The following KIAA1217 variants were observed in gnomAD, a reference collection of about 807,000 sequenced individuals.
KIAA1217 encodes KIAA1217, also known as sickle tail protein homolog.
Under a neutral mutation model 163.9 loss-of-function variants are expected in KIAA1217, and 88 were observed. The observed-to-expected ratio is 0.54, with a 90% CI of 0.45 to 0.64. The LOEUF is 0.64. KIAA1217 is among the 30% of genes least tolerant of loss of function. The pLI, the probability that KIAA1217 is intolerant of heterozygous loss-of-function variation, is 0.00. For missense variants in KIAA1217, 2,372 were observed against 2,475.0 expected (o/e 0.96, Z 0.88); for synonymous variants, 903 against 923.1 (o/e 0.98, Z 0.39).
At chr10:24,282,610 A>C (rs927040620) in intron 2 of KIAA1217, among the ~76,000 whole-genome samples, 12 of 152,102 alleles carry the variant, frequency 7.9e-5, no homozygotes, top group African/African-American at 2.7e-4. Context: ...GAGCCCTTTC[A>C]GTTGACCCCT....
intron 12 of KIAA1217, among the ~76,000 whole-genome samples, chr10:24,522,576 A>G: frequency 6.6e-6 from 1 of 152,254 alleles, no homozygotes; most frequent in East Asian, 1.9e-4. Flanking sequence ...CCAAAGGTAA[A>G]CCTGCTCACC....
At chr10:23,791,941 T>C (rs1427763411) in intron 1 of KIAA1217, among the ~76,000 whole-genome samples, 1 of 152,206 alleles carries the variant, frequency 6.6e-6, no homozygotes, top group Non-Finnish European at 1.5e-5. Flanking sequence ...TCCAATTTTA[T>C]ATTTAGGAAA....
intron 2 of KIAA1217, among the ~76,000 whole-genome samples, chr10:24,325,832 T>G (rs1304770879): frequency 2.0e-5 from 3 of 152,186 alleles, no homozygotes; most frequent in African/African-American, 7.2e-5. Flanking sequence ...TAATTTGCCA[T>G]TTTCTCTCCT....
chr10:23,805,998 A>G (rs1836721320), intron 1 of KIAA1217, among the ~76,000 whole-genome samples: 1 of 91,494 alleles, frequency 1.1e-5, no homozygotes, highest in African/African-American at 4.2e-5. Context: ...CTCCATCTCA[A>G]AAAAAAAAAA....
intron 2 of KIAA1217, among the ~76,000 whole-genome samples, chr10:24,120,720 T>G (rs2063250209): frequency 6.6e-6 from 1 of 152,210 alleles, no homozygotes; most frequent in African/African-American, 2.4e-5. Context: ...TTTCCCCCAA[T>G]GGAAATTGTA....
chr10:24,480,486 T>C (rs1183897666), intron 6 of KIAA1217, among the ~76,000 whole-genome samples: 8 of 152,224 alleles, frequency 5.3e-5, no homozygotes, highest in Admixed American at 3.9e-4. Flanking sequence ...TTCTAACACT[T>C]GCCAGCAGAT....
chr10:23,754,418 T>G (rs1204815651), intron 1 of KIAA1217, among the ~76,000 whole-genome samples: 1 of 152,204 alleles, frequency 6.6e-6, no homozygotes, highest in Non-Finnish European at 1.5e-5. Flanking sequence ...ACTGAAGCTT[T>G]GCTAGAACTC....
intron 1 of KIAA1217, among the ~76,000 whole-genome samples, chr10:23,724,714 A>G (rs1838042103): frequency 6.6e-6 from 1 of 152,240 alleles, no homozygotes; most frequent in Non-Finnish European, 1.5e-5. Flanking sequence ...AAAGTCCACT[A>G]CAATCTCTTT....
chr10:23,914,270 G>A (rs1024237629), intron 1 of KIAA1217, among the ~76,000 whole-genome samples: 1 of 152,054 alleles, frequency 6.6e-6, no homozygotes, highest in Non-Finnish European at 1.5e-5. Context: ...CCACATCTGA[G>A]GTCAGTCACC....
Position 23,969,574 on chromosome 10 carries a change from T to C in KIAA1217, c.-320-37651T>C, listed in dbSNP as rs115648757. Among the ~76,000 whole-genome samples the C allele has an allele frequency of 4.1e-3, 626 of 152,378 alleles. 5 individuals are homozygous for C. The highest frequency in any genetic ancestry group is 0.014 in the African/African-American group (582 of 41,596). On this transcript the variant is annotated intron_variant, in intron 1 of 18. Transcript: ENST00000376462. ...TTCATGTGCTTATCGGCTATTTTTA[T>C]ATTTTCTTTGGAGAAACGTCTATTC...
intron 2 of KIAA1217, among the ~76,000 whole-genome samples, chr10:24,148,819 A>G (rs1298180495): frequency 6.6e-6 from 1 of 152,190 alleles, no homozygotes; most frequent in Non-Finnish European, 1.5e-5. Context: ...AACACACATC[A>G]TGAATTGTTT....
At chr10:24,411,941 C>T (rs190073955) in intron 3 of KIAA1217, among the ~76,000 whole-genome samples, 2 of 152,090 alleles carry the variant, frequency 1.3e-5, no homozygotes, top group Admixed American at 6.5e-5. Flanking sequence ...AGCATACCAC[C>T]GAGGTCACAG....
chr10:24,150,531 C>T (rs2064559549), intron 2 of KIAA1217, among the ~76,000 whole-genome samples: 1 of 152,194 alleles, frequency 6.6e-6, no homozygotes, highest in Non-Finnish European at 1.5e-5. Flanking sequence ...GATTTCCAAG[C>T]CTACCATTCC....
intron 1 of KIAA1217, among the ~76,000 whole-genome samples, chr10:23,867,338 T>G (rs933515677): frequency 1.3e-5 from 2 of 151,718 alleles, no homozygotes; most frequent in Non-Finnish European, 3.0e-5. Flanking sequence ...TATAGCAGCA[T>G]GATTTATAGT....
At chr10:24,253,378 A>C (rs1253821873) in intron 2 of KIAA1217, among the ~76,000 whole-genome samples, 2 of 152,166 alleles carry the variant, frequency 1.3e-5, no homozygotes, top group Admixed American at 1.3e-4. Flanking sequence ...CCAGGGTGCT[A>C]CGTAGCTCAC....
At chr10:24,467,264 G>A (rs527406740) in intron 5 of KIAA1217, among the ~76,000 whole-genome samples, 3 of 152,308 alleles carry the variant, frequency 2.0e-5, no homozygotes, top group Admixed American at 2.0e-4. Context: ...ATTTTGATCC[G>A]TGTGCAGTCT....
chr10:24,216,979 C>T (rs2068909613), intron 1 of KIAA1217, among the ~76,000 whole-genome samples: 1 of 131,474 alleles, frequency 7.6e-6, no homozygotes, highest in Non-Finnish European at 1.5e-5. Context: ...CTGCAGTGAG[C>T]CATGATCATG....
chr10:24,147,578 C>T (rs1278955279), intron 2 of KIAA1217, among the ~76,000 whole-genome samples: 2 of 151,980 alleles, frequency 1.3e-5, no homozygotes, highest in Admixed American at 6.5e-5. Context: ...CACGGTGGCT[C>T]ATGCCTGTAA....
intron 2 of KIAA1217, among the ~76,000 whole-genome samples, chr10:24,369,969 A>C (rs1323342825): frequency 6.6e-6 from 1 of 152,242 alleles, no homozygotes; most frequent in Non-Finnish European, 1.5e-5. Flanking sequence ...ACTTGCAATA[A>C]AAAGACATCT....
Sources: allele counts gnomAD v4.1 joint callset (sites outside exome capture counted in the v4.1 genomes callset), GRCh38; gene constraint gnomAD v4.1.1; transcripts MANE v1.5; gene names NCBI Gene and HGNC (gene_info 2026-07-23, HGNC 2026-07-21).